ZNF75D: variants seen among roughly 807,000 people sequenced by gnomAD.
ZNF75D encodes zinc finger protein 75D.
In ZNF75D, 33 loss-of-function variants were observed where a neutral mutation model predicts 33.3. The ratio of observed to expected loss-of-function variants is 0.99; its 90% CI spans 0.75 to 1.32. The LOEUF (loss-of-function observed/expected upper bound fraction) is 1.32. Ranked by LOEUF, ZNF75D falls within the 40% of genes most tolerant of loss-of-function variation. The pLI, the probability that ZNF75D is intolerant of heterozygous loss-of-function variation, is 0.00. For missense variants in ZNF75D, 338 were observed against 367.5 expected (o/e 0.92, Z 0.66); for synonymous variants, 113 against 130.6 (o/e 0.87, Z 0.92).
intron 1 of ZNF75D, among the ~76,000 whole-genome samples, chrX:135,311,514 C>T (rs1026308221): frequency 3.6e-5 from 4 of 112,418 alleles, no homozygotes; most frequent in Admixed American, 9.4e-5. Context: ...ATATGCTTAT[C>T]ATTACATTAT....
rs1293104652 is a variant in ZNF75D at position 135,338,200 on chromosome X, C to A, written c.-391+3568G>T. Among the ~76,000 whole-genome samples the A allele has an allele frequency of 3.6e-5, 4 of 111,131 alleles. 1 individual carries two copies. The highest frequency in any genetic ancestry group is 7.6e-5 in the Non-Finnish European group (4 of 52,972). On this transcript the variant is annotated intron_variant, in intron 1 of 6. Coordinates refer to ENST00000370766, the MANE Select transcript of ZNF75D (RefSeq NM_007131.5). ...TCCTCTCTCAGAGAACATTCCTTCC[C>A]CTTCCTGTTCTGCACTGTCTTCTGT...
At chrX:135,263,805 G>A (rs1165544707) in intron 1 of ZNF75D, among the ~76,000 whole-genome samples, 4 of 112,684 alleles carry the variant, frequency 3.5e-5, no homozygotes, top group Admixed American at 9.3e-5. Flanking sequence ...GCTTCAGCTC[G>A]CCCTCTGTGG....
intron 1 of ZNF75D, among the ~76,000 whole-genome samples, chrX:135,264,136 G>A (rs1349053923): frequency 3.6e-5 from 4 of 111,951 alleles, no homozygotes; most frequent in South Asian, 7.5e-4. Flanking sequence ...AACTGGAAAC[G>A]TGACTTGGAG....
At chrX:135,329,964 T>G (rs2084631758) in intron 1 of ZNF75D, among the ~76,000 whole-genome samples, 1 of 112,075 alleles carries the variant, frequency 8.9e-6, no homozygotes, top group Non-Finnish European at 1.9e-5. Flanking sequence ...GTCATGAACC[T>G]CCATATGAAT....
intron 1 of ZNF75D, among the ~76,000 whole-genome samples, chrX:135,275,411 C>T (rs1336452111): frequency 9.0e-6 from 1 of 111,414 alleles, no homozygotes; most frequent in Non-Finnish European, 1.9e-5. Flanking sequence ...CTCTTGATTG[C>T]ACAGGATGTA....
Position 135,302,848 on chromosome X carries a change from C to T in ZNF75D, c.-390-6809G>A, listed in dbSNP as rs782680604. ...AAAGTATAGAGAAAGAAAAAAGGGG[C>T]CCAGGGGACCAGCGTTCAGCACACG... is the stretch of plus-strand genomic sequence containing the variant. On this transcript the variant is annotated intron_variant, in intron 1 of 6. Coordinates refer to ENST00000370766, the MANE Select transcript of ZNF75D (RefSeq NM_007131.5). Among the ~76,000 whole-genome samples, 773 of 109,568 alleles carry T rather than the reference C, an allele frequency of 7.1e-3. 2 individuals carry two copies. Among genetic ancestry groups the T allele is most frequent in the Non-Finnish European group, 0.012 (624 of 52,520 alleles).
chrX:135,302,562 C>G (rs1290868702), intron 1 of ZNF75D, among the ~76,000 whole-genome samples: 1 of 112,621 alleles, frequency 8.9e-6, no homozygotes, highest in African/African-American at 3.2e-5. Flanking sequence ...ACTGGCATGG[C>G]CTTAGGCTTT....
At chrX:135,316,718 A>G (rs1228290571) in intron 1 of ZNF75D, among the ~76,000 whole-genome samples, 1 of 108,183 alleles carries the variant, frequency 9.2e-6, no homozygotes. Context: ...ATTTCTAAAA[A>G]CCTTTCTTCA....
intron 1 of ZNF75D, among the ~76,000 whole-genome samples, chrX:135,335,499 A>G (rs1447053773): frequency 1.8e-5 from 2 of 111,393 alleles, no homozygotes; most frequent in African/African-American, 6.5e-5. Flanking sequence ...CCTCACAGCT[A>G]TGGTGACTTA....
At chrX:135,319,664 C>A (rs782469585) in intron 1 of ZNF75D, among the ~76,000 whole-genome samples, 25 of 112,104 alleles carry the variant, frequency 2.2e-4, no homozygotes, top group African/African-American at 7.8e-4. Context: ...AAGGATAAGG[C>A]AAAGTTGGGG....
chrX:135,313,191 A>G (rs782690083), intron 1 of ZNF75D, among the ~76,000 whole-genome samples: 69 of 111,321 alleles, frequency 6.2e-4, no homozygotes, highest in African/African-American at 2.2e-3. Context: ...TAGGGGTCTA[A>G]TTTCCTTACT....
chrX:135,313,526 GA>G (rs1172591920), intron 1 of ZNF75D, among the ~76,000 whole-genome samples: 2 of 110,879 alleles, frequency 1.8e-5, no homozygotes, highest in Admixed American at 1.9e-4. Context: ...CTATTTCTGT[GA>G]AAAAAATGGC....
At chrX:135,302,168 T>C (rs1389121391) in intron 1 of ZNF75D, among the ~76,000 whole-genome samples, 2 of 112,295 alleles carry the variant, frequency 1.8e-5, no homozygotes, top group Admixed American at 1.9e-4. Flanking sequence ...CAAACACATA[T>C]GTTACATGCA....
chrX:135,271,330 G>T (rs2083882368), intron 1 of ZNF75D, among the ~76,000 whole-genome samples: 1 of 112,156 alleles, frequency 8.9e-6, no homozygotes, highest in African/African-American at 3.2e-5. Context: ...TAATATGGAT[G>T]AAGGCAAATC....
At chrX:135,308,584 C>A (rs1392331940) in intron 1 of ZNF75D, among the ~76,000 whole-genome samples, 1 of 112,067 alleles carries the variant, frequency 8.9e-6, no homozygotes, top group African/African-American at 3.2e-5. Flanking sequence ...ATCACTTGGG[C>A]AAGTCCTTTA....
At chrX:135,314,047 T>C (rs1556430093) in intron 1 of ZNF75D, among the ~76,000 whole-genome samples, 1 of 111,740 alleles carries the variant, frequency 8.9e-6, no homozygotes, top group Non-Finnish European at 1.9e-5. Flanking sequence ...GTCATGAAAA[T>C]GGGCATCCTT....
At chrX:135,285,083 A>G (rs1353898716), downstream of ZNF75D, among the ~76,000 whole-genome samples, 5 of 111,537 alleles carry the variant, frequency 4.5e-5, no homozygotes, top group African/African-American at 1.6e-4. Flanking sequence ...GTGGTGAGGC[A>G]GTCATAGTCT....
At chrX:135,290,289 AG>A (rs2148469788) in intron 6 of ZNF75D, among the ~76,000 whole-genome samples, 1 of 112,294 alleles carries the variant, frequency 8.9e-6, no homozygotes, top group African/African-American at 3.2e-5. Context: ...TCCTAAATTT[AG>A]GGTTTATTTC....
At chrX:135,270,135 T>C (rs2083876964) in intron 1 of ZNF75D, among the ~76,000 whole-genome samples, 2 of 108,405 alleles carry the variant, frequency 1.8e-5, no homozygotes, top group Non-Finnish European at 3.8e-5. Context: ...TGGGGATGGT[T>C]AATGGGTACA....
Sources: gnomAD v4.1 joint callset for allele counts (sites outside exome capture counted in the v4.1 genomes callset) on GRCh38, gnomAD v4.1.1 for gene constraint, MANE v1.5 for transcripts, NCBI Gene and HGNC (gene_info 2026-07-23, HGNC 2026-07-21) for gene names.